SSH2: variants seen among roughly 807,000 people sequenced by gnomAD.
The protein encoded by SSH2 is protein phosphatase Slingshot homolog 2.
Under a neutral mutation model 135.2 loss-of-function variants are expected in SSH2, and 37 were observed. The observed-to-expected ratio is 0.27, with a 90% CI of 0.21 to 0.36. The LOEUF is 0.36. Among genes scored for constraint, SSH2 ranks in the 10% least tolerant of loss-of-function variants. The pLI is 1.00. For synonymous variants in SSH2, 628 were observed against 646.2 expected, an observed-to-expected ratio of 0.97 and a Z score of 0.43; for missense variants, 1,408 against 1,765.3, an observed-to-expected ratio of 0.80 and a Z score of 3.63.
intron 8 of SSH2, among the ~76,000 whole-genome samples, chr17:29,673,738 G>A (rs1333991865): frequency 3.3e-5 from 5 of 151,996 alleles, no homozygotes; most frequent in Admixed American, 3.3e-4. Flanking sequence ...TTTTGGCTAT[G>A]CATAGATGTA....
At position 29,913,347 on chromosome 17, in the gene SSH2, A is replaced by AAAATTATATATATATATAT; in HGVS notation, c.63+16590_63+16591insATATATATATATATAATTT. On this transcript the variant is annotated intron_variant, in intron 1 of 15. Transcript: ENST00000540801. The stretch of plus-strand genomic sequence containing the variant: ...AAAAAAAAAAAAAAAAAAAAAAAAA[A>AAAATTATATATATATATAT]ATATATATATATATATATATATATA... Among the ~76,000 whole-genome samples the AAAATTATATATATATATAT allele has an allele frequency of 6.9e-5, 2 of 28,786 alleles. 1 individual carries two copies. Among genetic ancestry groups the AAAATTATATATATATATAT allele is most frequent in the East Asian group, 4.4e-3 (2 of 450 alleles). The allele number at this position is 28,786 out of a possible 152,430, so 18.9% of individuals were successfully genotyped here. A position where few individuals can be genotyped will look rare whatever the true frequency, so the allele number is the denominator to read the frequency against.
intron 1 of SSH2, among the ~76,000 whole-genome samples, chr17:29,889,222 G>A (rs1042559147): frequency 2.6e-4 from 39 of 152,006 alleles, no homozygotes; most frequent in African/African-American, 8.7e-4. Context: ...CAAGGCAGGT[G>A]GATCACTTGA....
At chr17:29,854,748 G>C (rs185878836) in intron 1 of SSH2, among the ~76,000 whole-genome samples, 1 of 152,242 alleles carries the variant, frequency 6.6e-6, no homozygotes, top group African/African-American at 2.4e-5. Context: ...AGGAGTTCGA[G>C]ACCAGCCTGG....
At chr17:29,707,997 G>A (rs986265217) in intron 3 of SSH2, among the ~76,000 whole-genome samples, 5 of 152,088 alleles carry the variant, frequency 3.3e-5, no homozygotes, top group African/African-American at 1.2e-4. Context: ...AGAAATAAGC[G>A]TGTGGCTGAT....
chr17:29,728,001 C>T (rs1437658331), intron 3 of SSH2, among the ~76,000 whole-genome samples: 16 of 152,026 alleles, frequency 1.1e-4, no homozygotes, highest in Admixed American at 9.8e-4. Context: ...GCCAACATGG[C>T]GAAACCCCTT....
At chr17:29,771,404 C>T (rs532952507) in intron 3 of SSH2, among the ~76,000 whole-genome samples, 1 of 152,308 alleles carries the variant, frequency 6.6e-6, no homozygotes, top group African/African-American at 2.4e-5. Context: ...CACTACATCA[C>T]TTTATATCTT....
chr17:29,812,255 T>C (rs1210673115), intron 2 of SSH2, among the ~76,000 whole-genome samples: 1 of 151,950 alleles, frequency 6.6e-6, no homozygotes, highest in East Asian at 1.9e-4. Flanking sequence ...TTTAGTATCT[T>C]CACACAATTA....
intron 1 of SSH2, chr17:29,856,170 C>A: frequency 6.6e-6 from 2 of 302,750 alleles, no homozygotes; most frequent in Admixed American, 4.6e-5. Flanking sequence ...TATCTTAAGT[C>A]CAGAAAAATG....
chr17:29,903,574 C>T (rs929058284), intron 1 of SSH2, among the ~76,000 whole-genome samples: 1 of 151,968 alleles, frequency 6.6e-6, no homozygotes, highest in African/African-American at 2.4e-5. Flanking sequence ...AGCCCCTTCT[C>T]TGTTCTGCAT....
chr17:29,662,641 T>TA (rs1567854721), intron 11 of SSH2, among the ~76,000 whole-genome samples: 1 of 152,156 alleles, frequency 6.6e-6, no homozygotes, highest in Non-Finnish European at 1.5e-5. Flanking sequence ...GATTTTTTTT[T>TA]AACTTTTAAG....
chr17:29,924,656 C>T (rs2067034000), intron 1 of SSH2, among the ~76,000 whole-genome samples: 1 of 151,748 alleles, frequency 6.6e-6, no homozygotes, highest in Non-Finnish European at 1.5e-5. Context: ...TTCCTTTTCC[C>T]TTGTGGTGAA....
intron 7 of SSH2, among the ~76,000 whole-genome samples, chr17:29,677,446 T>C (rs1333218320): frequency 6.6e-6 from 1 of 152,176 alleles, no homozygotes; most frequent in Non-Finnish European, 1.5e-5. Flanking sequence ...AGTTCTTCTT[T>C]GTCTTGATTC....
At chr17:29,678,272 TTTTAGTA>T in intron 6 of SSH2, among the ~76,000 whole-genome samples, 1 of 152,122 alleles carries the variant, frequency 6.6e-6, no homozygotes, top group South Asian at 2.1e-4. Flanking sequence ...TTTTCTGTAC[TTTTAGTA>T]GAGATGGGGT....
rs1183261329 is a variant in SSH2, at chr17:29,625,959, T to G, written c.*4882A>C. ...CACGTTTCATCTTCAAAATAAAAAT[T>G]TATTCAATCTGTAACAAGAACATTG... On this transcript the variant is annotated 3_prime_UTR_variant, in exon 16 of 16. Coordinates refer to ENST00000540801, the MANE Select transcript of SSH2 (RefSeq NM_001282129.2). 6.6e-6 allele frequency: 1 copy of G among 152,624 alleles called. No homozygotes were observed. The highest frequency in any genetic ancestry group is 6.5e-5 in the Admixed American group (1 of 15,280). 9.5% of individuals were successfully genotyped at this position (152,624 alleles called of 1,614,324 possible). A position where few individuals can be genotyped will look rare whatever the true frequency, so the allele number is the denominator to read the frequency against.
chr17:29,909,743 C>A (rs545299902), intron 1 of SSH2, among the ~76,000 whole-genome samples: 7 of 152,048 alleles, frequency 4.6e-5, no homozygotes, highest in African/African-American at 7.2e-5. Context: ...GCAAAAAAAC[C>A]ACCCCATTAC....
At chr17:29,822,630 G>A (rs552339766) in intron 2 of SSH2, among the ~76,000 whole-genome samples, 1 of 151,428 alleles carries the variant, frequency 6.6e-6, no homozygotes, top group African/African-American at 2.4e-5. Flanking sequence ...CCAAAGTGCT[G>A]GGAATACAGA....
intron 14 of SSH2, chr17:29,645,382 A>T (rs1442945942): frequency 1.3e-5 from 2 of 152,146 alleles, no homozygotes; most frequent in Admixed American, 1.3e-4. Context: ...ATGGAGCAAA[A>T]AAAGGAAGGG....
At chr17:29,770,092 GTTTTTTTTT>G (rs563803251) in intron 3 of SSH2, among the ~76,000 whole-genome samples, 10 of 72,924 alleles carry the variant, frequency 1.4e-4, no homozygotes, top group Non-Finnish European at 2.7e-4. Flanking sequence ...GCTATATTTA[GTTTTTTTTT>G]TTTTTTTTTT....
intron 1 of SSH2, among the ~76,000 whole-genome samples, chr17:29,867,992 A>C (rs2065880877): frequency 1.3e-5 from 2 of 152,214 alleles, no homozygotes; most frequent in South Asian, 2.1e-4. Context: ...AGATGTCCTC[A>C]CACTGTAACA....
Sources: gnomAD v4.1 joint callset for allele counts (sites outside exome capture counted in the v4.1 genomes callset) on GRCh38, gnomAD v4.1.1 for gene constraint, MANE v1.5 for transcripts, NCBI Gene and HGNC (gene_info 2026-07-23, HGNC 2026-07-21) for gene names.